Variants in TENM4 observed in about 807,000 individuals in gnomAD.
The protein encoded by TENM4 is teneurin-4.
A neutral mutation model predicts 243.3 loss-of-function variants in TENM4; 82 were observed. That is an observed-to-expected ratio of 0.34 (90% CI 0.28 to 0.40). The LOEUF (loss-of-function observed/expected upper bound fraction) is 0.40. TENM4 is among the 10% of genes least tolerant of loss of function. The probability of loss-of-function intolerance (pLI) is 1.00; values close to 1 mark genes in which losing one functional copy is unlikely to be tolerated. For synonymous variants in TENM4, 1,412 were observed against 1,456.3 expected, an observed-to-expected ratio of 0.97 and a Z score of 0.69; for missense variants, 3,138 against 3,673.3, an observed-to-expected ratio of 0.85 and a Z score of 3.77.
At chr11:79,379,254 A>G (rs1480081796) in intron 1 of TENM4, among the ~76,000 whole-genome samples, 1 of 152,184 alleles carries the variant, frequency 6.6e-6, no homozygotes, top group African/African-American at 2.4e-5. Flanking sequence ...GAACAGCACA[A>G]GGAAAGTCAA....
chr11:79,162,475 T>TTATTTATC (rs1862770240), intron 3 of TENM4, among the ~76,000 whole-genome samples: 1 of 41,264 alleles, frequency 2.4e-5, no homozygotes, highest in African/African-American at 5.4e-5. Context: ...TATTATTTAT[T>TTATTTATC]TATTTATTTA....
chr11:78,849,517 G>GAT (rs1328012989), intron 12 of TENM4, among the ~76,000 whole-genome samples: 1 of 152,086 alleles, frequency 6.6e-6, no homozygotes, highest in Non-Finnish European at 1.5e-5. Flanking sequence ...TTCTTGTGAG[G>GAT]ATTAAATAAC....
intron 1 of TENM4, among the ~76,000 whole-genome samples, chr11:79,362,063 T>G (rs1216538073): frequency 6.6e-6 from 1 of 152,070 alleles, no homozygotes; most frequent in African/African-American, 2.4e-5. Context: ...GATTCTTGCA[T>G]CCAGTTAGGA....
chr11:79,019,749 G>T (rs1407150640), intron 6 of TENM4, among the ~76,000 whole-genome samples: 3 of 152,192 alleles, frequency 2.0e-5, no homozygotes, highest in Non-Finnish European at 2.9e-5. Context: ...TGAGAGGGGG[G>T]TTGAGGAAGT....
At chr11:79,275,750 C>G (rs1444641267) in intron 2 of TENM4, among the ~76,000 whole-genome samples, 1 of 152,174 alleles carries the variant, frequency 6.6e-6, no homozygotes, top group African/African-American at 2.4e-5. Flanking sequence ...ACTTCCAGAC[C>G]CAGGGCCATC....
At chr11:78,856,234 C>T (rs376882061) in intron 10 of TENM4, 56 bp from the exon 11 acceptor site, 274 of 1,490,778 alleles carry the variant, frequency 1.8e-4, no homozygotes, top group Non-Finnish European at 2.3e-4. Flanking sequence ...ACATGGGAAA[C>T]GAGAAACCAG....
rs1239921071 is a variant in TENM4, at chr11:79,138,916, TATTAC to T, written c.-66+9789_-66+9793del. On this transcript the variant is annotated intron_variant, in intron 4 of 33. Transcript: ENST00000278550. ...TATATATTATATTTCTATAAATATATATTACATTTCCATAAATATATAAAATATAT... is the reference window on the plus strand; with the variant it reads ...TATATATTATATTTCTATAAATATATATTTCCATAAATATATAAAATATAT... Among the ~76,000 whole-genome samples, 2 of 102,366 alleles carry T rather than the reference TATTAC, an allele frequency of 2.0e-5. 1 individual carries two copies. Among genetic ancestry groups the T allele is most frequent in the Non-Finnish European group, 3.6e-5 (2 of 55,782 alleles). The allele number at this position is 102,366 out of a possible 152,430, so 67.2% of individuals were successfully genotyped here.
At chr11:79,409,510 T>C (rs947646197) in intron 1 of TENM4, among the ~76,000 whole-genome samples, 2 of 152,186 alleles carry the variant, frequency 1.3e-5, no homozygotes. Flanking sequence ...CCTTTGCTGA[T>C]GCACTTTAAC....
At chr11:79,340,973 T>C (rs473635) in intron 1 of TENM4, among the ~76,000 whole-genome samples, 127,067 of 152,164 alleles carry the variant, frequency 0.84, 53,723 homozygotes, top group African/African-American at 0.95. Flanking sequence ...CCAGTGTAAT[T>C]ACAAGGGTTC....
chr11:79,309,727 T>G (rs890773821), intron 1 of TENM4, among the ~76,000 whole-genome samples: 1 of 152,060 alleles, frequency 6.6e-6, no homozygotes, highest in African/African-American at 2.4e-5. Flanking sequence ...GGGCCCTCAT[T>G]TGGAGGATAG....
intron 1 of TENM4, among the ~76,000 whole-genome samples, chr11:79,404,628 T>A (rs1192792502): frequency 5.3e-5 from 8 of 152,030 alleles, no homozygotes; most frequent in Non-Finnish European, 1.2e-4. Context: ...TTTTACCTCA[T>A]TTTTTTTAGA....
intron 2 of TENM4, among the ~76,000 whole-genome samples, chr11:79,292,928 T>C (rs1327379273): frequency 6.6e-6 from 1 of 152,202 alleles, no homozygotes; most frequent in Non-Finnish European, 1.5e-5. Context: ...GTCATTCACT[T>C]ATCAATCAGT....
intron 30 of TENM4, among the ~76,000 whole-genome samples, chr11:78,675,607 C>T (rs894957482): frequency 6.6e-6 from 1 of 152,198 alleles, no homozygotes; most frequent in Non-Finnish European, 1.5e-5. Flanking sequence ...GAATGTCAGA[C>T]CATGATGCCA....
At chr11:79,326,626 C>G (rs1305116893) in intron 1 of TENM4, among the ~76,000 whole-genome samples, 1 of 152,210 alleles carries the variant, frequency 6.6e-6, no homozygotes, top group Non-Finnish European at 1.5e-5. Context: ...TCTCCAATAG[C>G]AACCAGGAAC....
intron 1 of TENM4, among the ~76,000 whole-genome samples, chr11:79,404,944 G>A (rs935384669): frequency 6.6e-6 from 1 of 152,130 alleles, no homozygotes; most frequent in Non-Finnish European, 1.5e-5. Flanking sequence ...TCCTGAACCT[G>A]TGGATATGGA....
chr11:79,384,753 C>T (rs1858073801), intron 1 of TENM4, among the ~76,000 whole-genome samples: 1 of 151,792 alleles, frequency 6.6e-6, no homozygotes, highest in Admixed American at 6.6e-5. Flanking sequence ...TGATGAAACC[C>T]TGTCTCTACT....
At chr11:78,862,728 G>T (rs929786647) in intron 10 of TENM4, among the ~76,000 whole-genome samples, 2 of 152,198 alleles carry the variant, frequency 1.3e-5, no homozygotes, top group Non-Finnish European at 2.9e-5. Context: ...ATGGGATTCT[G>T]CTGAGCACCA....
chr11:79,197,531 C>T (rs1468066651), intron 3 of TENM4, among the ~76,000 whole-genome samples: 1 of 152,076 alleles, frequency 6.6e-6, no homozygotes, highest in African/African-American at 2.4e-5. Context: ...TCACAAGTAC[C>T]CAGAATTCCA....
chr11:79,227,643 C>T (rs1434622656), intron 2 of TENM4, among the ~76,000 whole-genome samples: 1 of 152,170 alleles, frequency 6.6e-6, no homozygotes, highest in Admixed American at 6.5e-5. Flanking sequence ...GACACAAAAG[C>T]AGGTTTTTGC....
Sources: gnomAD v4.1 joint callset for allele counts (sites outside exome capture counted in the v4.1 genomes callset) on GRCh38, gnomAD v4.1.1 for gene constraint, MANE v1.5 for transcripts, NCBI Gene and HGNC (gene_info 2026-07-23, HGNC 2026-07-21) for gene names.